The following CALD1 variants were observed in gnomAD, a reference collection of about 807,000 sequenced individuals.
CALD1 encodes caldesmon 1.
Under a neutral mutation model 99.9 loss-of-function variants are expected in CALD1, and 33 were observed. That is an observed-to-expected ratio of 0.33 (90% CI 0.25 to 0.44). CALD1 has a LOEUF of 0.44. Among genes scored for constraint, CALD1 ranks in the 20% least tolerant of loss-of-function variants. The pLI, the probability that CALD1 is intolerant of heterozygous loss-of-function variation, is 1.00. For synonymous variants in CALD1, 310 were observed against 325.0 expected, an observed-to-expected ratio of 0.95 and a Z score of 0.50; for missense variants, 861 against 962.1, an observed-to-expected ratio of 0.89 and a Z score of 1.39.
intron 1 of CALD1, among the ~76,000 whole-genome samples, chr7:134,752,008 C>A (rs1474797287): frequency 1.3e-5 from 2 of 152,228 alleles, no homozygotes; most frequent in African/African-American, 2.4e-5. Flanking sequence ...ACTCTTGAGT[C>A]CTTTGATTCC....
At chr7:134,932,146 G>T (rs1212434669) in intron 4 of CALD1, among the ~76,000 whole-genome samples, 1 of 152,114 alleles carries the variant, frequency 6.6e-6, no homozygotes, top group Non-Finnish European at 1.5e-5. Context: ...GGCAGTTATT[G>T]GTCACATGGC....
intron 1 of CALD1, among the ~76,000 whole-genome samples, chr7:134,809,011 A>T (rs1442129159): frequency 6.6e-6 from 1 of 152,236 alleles, no homozygotes; most frequent in African/African-American, 2.4e-5. Flanking sequence ...ATGTTAAGAA[A>T]ATAGTACAAC....
In CALD1 at chr7:134,788,452, C is replaced by T. The variant is rs192967223; in HGVS notation, c.-130+8703C>T. Among the ~76,000 whole-genome samples, 3 of 152,330 alleles carry T rather than the reference C, an allele frequency of 2.0e-5. No individual in the cohort carries two copies. In the East Asian group the frequency reaches 5.8e-4, roughly 29 times the overall value. ...TGTTGCTAAACATTGACTAGCACAT[C>T]ACTGACCCTAAGGGATGCGGTGGTA... On this transcript the variant is annotated intron_variant, in intron 1 of 14. Transcript: ENST00000361675.
At chr7:134,929,621 C>CACACACATATACACACATGTGT in intron 4 of CALD1, among the ~76,000 whole-genome samples, 1 of 4,250 alleles carries the variant, frequency 2.4e-4, no homozygotes, top group African/African-American at 1.5e-3. Context: ...TGTATATATA[C>CACACACATATACACACATGTGT]GTGTGTGTGT....
upstream of CALD1, among the ~76,000 whole-genome samples, chr7:134,740,689 G>A (rs115272426): frequency 0.012 from 1,754 of 152,284 alleles, 48 homozygotes; most frequent in African/African-American, 0.04. Context: ...CTACGCAGAG[G>A]AGGTGATGAG....
rs1390548781 is a variant in CALD1, at chr7:134,916,758, G to A, written c.72-11996G>A. Among the ~76,000 whole-genome samples, 6 of 152,158 alleles carry A rather than the reference G, an allele frequency of 3.9e-5. 1 individual carries two copies. The highest frequency in any genetic ancestry group is 2.1e-4 in the South Asian group (1 of 4,828). On this transcript the variant is annotated intron_variant, in intron 3 of 14. Coordinates refer to ENST00000361675, the MANE Select transcript of CALD1 (RefSeq NM_033138.4). ...TTATGTCTTTTGTCAGATGTTTACC[G>A]ATGTGATAGTGGTACCATAATTTGA...
chr7:134,915,730 T>C (rs1204373640), intron 3 of CALD1, among the ~76,000 whole-genome samples: 1 of 152,238 alleles, frequency 6.6e-6, no homozygotes, highest in Admixed American at 6.5e-5. Flanking sequence ...ATTCTATCTG[T>C]TAAAACATTC....
At chr7:134,896,784 T>G (rs779931578) in intron 3 of CALD1, among the ~76,000 whole-genome samples, 4 of 152,184 alleles carry the variant, frequency 2.6e-5, no homozygotes, top group Non-Finnish European at 5.9e-5. Context: ...GAGACAGGCC[T>G]AACAGTGGCA....
At chr7:134,912,265 C>A (rs1185488865) in intron 3 of CALD1, among the ~76,000 whole-genome samples, 1 of 152,168 alleles carries the variant, frequency 6.6e-6, no homozygotes, top group Non-Finnish European at 1.5e-5. Flanking sequence ...AACAGTGGGG[C>A]CTTCGCTTGG....
intron 5 of CALD1, among the ~76,000 whole-genome samples, chr7:134,934,287 CA>C (rs1345225622): frequency 6.6e-6 from 1 of 152,090 alleles, no homozygotes; most frequent in African/African-American, 2.4e-5. Context: ...CTGGGACAGC[CA>C]GTAAATTTGG....
chr7:134,755,892 C>T (rs1430115546), intron 1 of CALD1, among the ~76,000 whole-genome samples: 1 of 152,064 alleles, frequency 6.6e-6, no homozygotes, highest in African/African-American at 2.4e-5. Flanking sequence ...ACTTTTTATG[C>T]TCATATATTT....
intron 14 of CALD1, among the ~76,000 whole-genome samples, chr7:134,966,052 C>A (rs1223076893): frequency 6.6e-6 from 1 of 152,040 alleles, no homozygotes; most frequent in African/African-American, 2.4e-5. Context: ...CCAACTGTAG[C>A]CTTTCCCCAT....
In CALD1 at chr7:134,867,737, G is replaced by A; in HGVS notation, c.4G>A (p.Asp2Asn). The A allele has an allele frequency of 6.2e-7, 1 of 1,603,884 alleles. No individual in the cohort carries two copies. Among genetic ancestry groups the A allele is most frequent in the Non-Finnish European group, 8.5e-7 (1 of 1,172,628 alleles). The change falls in exon 3 of 15, where the codon GAT becomes AAT. Residue 2 changes from aspartate to asparagine, a missense_variant. Physicochemically the swap from Asp to Asn is conservative, Grantham distance 23. This residue lies in a region of CALD1 where 123 missense variants were observed against 169.8 expected (regional missense o/e 0.72). Coordinates refer to ENST00000361675, the MANE Select transcript of CALD1 (RefSeq NM_033138.4). ...TCCCTGAACCTGAAATCACACCATG[G>A]ATGATTTTGAGCGTCGCAGAGAACT... Reference protein sequence around the residue: MDDFERRRELRR... With the variant: MNDFERRRELRR...
intron 3 of CALD1, chr7:134,891,413 GAGT>G (rs1802158268): frequency 1.6e-6 from 2 of 1,287,174 alleles, no homozygotes; most frequent in African/African-American, 3.0e-5. Context: ...GGGTTGGGAG[GAGT>G]AGATTTGGCT....
intron 3 of CALD1, 189 bp downstream of exon 3, chr7:134,867,993 T>A: frequency 2.5e-6 from 1 of 402,086 alleles, no homozygotes; most frequent in Non-Finnish European, 4.6e-6. Context: ...CAAACAAGAA[T>A]CAAGAAAAAG....
intron 1 of CALD1, among the ~76,000 whole-genome samples, chr7:134,814,975 T>A (rs774177109): frequency 3.3e-5 from 5 of 152,236 alleles, no homozygotes; most frequent in Non-Finnish European, 7.3e-5. Flanking sequence ...AGTCTTTAAC[T>A]GTGGCTTCCT....
In CALD1 at chr7:134,935,809, GCAGT is replaced by G. The variant is rs764066953; in HGVS notation, c.1386+49_1386+52del. 3.3e-6 allele frequency: 5 copies of G among 1,533,180 alleles called. No individual in the cohort carries two copies. The South Asian group carries it at 3.8e-5, about 12-fold the overall frequency. The allele number at this position is 1,533,180 out of a possible 1,614,324, so 95.0% of individuals were successfully genotyped here. ...TAATGATCGTAAAGCAACAGAAAAA[GCAGT>G]CAGTGTTCCAAGATATCTCAGGTCT... is the stretch of plus-strand genomic sequence containing the variant. On this transcript the variant is annotated intron_variant, in intron 6 of 14. Transcript: ENST00000361675.
At chr7:134,805,731 C>T (rs1329468667) in intron 1 of CALD1, among the ~76,000 whole-genome samples, 1 of 152,100 alleles carries the variant, frequency 6.6e-6, no homozygotes, top group African/African-American at 2.4e-5. Flanking sequence ...ATGGCAATCT[C>T]CAAATACCCA....
intron 3 of CALD1, among the ~76,000 whole-genome samples, chr7:134,892,155 G>A (rs1802245640): frequency 6.6e-6 from 1 of 152,172 alleles, no homozygotes; most frequent in African/African-American, 2.4e-5. Context: ...ACAAGACCCA[G>A]AGCATATGCT....
Sources: allele counts gnomAD v4.1 joint callset (sites outside exome capture counted in the v4.1 genomes callset), GRCh38; gene constraint gnomAD v4.1.1; regional missense constraint gnomAD v4.1.1; transcripts MANE v1.5; gene names NCBI Gene and HGNC (gene_info 2026-07-23, HGNC 2026-07-21).